CDH4: variants seen among roughly 807,000 people sequenced by gnomAD.
CDH4 encodes the protein cadherin-4.
CDH4 carries 33 observed loss-of-function variants against 86.0 expected under a neutral mutation model. The ratio of observed to expected loss-of-function variants is 0.38; its 90% confidence interval spans 0.29 to 0.51. CDH4 has a LOEUF of 0.51. Ranked by LOEUF, CDH4 falls within the 20% of genes least tolerant of loss-of-function variation. The probability of loss-of-function intolerance (pLI) is 0.86; values close to 1 mark genes in which losing one functional copy is unlikely to be tolerated. For synonymous variants in CDH4, 555 were observed against 549.4 expected (o/e 1.01, Z -0.14); for missense variants, 1,114 against 1,307.4 (o/e 0.85, Z 2.28).
intron 2 of CDH4, among the ~76,000 whole-genome samples, chr20:61,561,470 G>A (rs976075312): frequency 3.3e-5 from 5 of 152,238 alleles, no homozygotes; most frequent in South Asian, 2.1e-4. Flanking sequence ...CCCTCTTCCC[G>A]TCTCCTCCAA....
rs148228056 is a variant in CDH4 at position 61,274,654 on chromosome 20, G to A, written c.169+19717G>A. On this transcript the variant is annotated intron_variant, in intron 2 of 15. Transcript: ENST00000614565. The stretch of plus-strand genomic sequence containing the variant: ...ACGGTGTGCAGTTTGCAGGAGTACC[G>A]TGTGCGGTTTGGGGGAATACCGAGT... Among the ~76,000 whole-genome samples the A allele has an allele frequency of 6.8e-3, 883 of 129,520 alleles. 6 individuals are homozygous for A. Among genetic ancestry groups the A allele is most frequent in the Middle Eastern group, 0.018 (3 of 166 alleles). The allele number at this position is 129,520 out of a possible 152,430, so 85.0% of individuals were successfully genotyped here.
At chr20:61,779,238 C>T (rs1020334760) in intron 4 of CDH4, among the ~76,000 whole-genome samples, 3 of 152,202 alleles carry the variant, frequency 2.0e-5, no homozygotes, top group African/African-American at 4.8e-5. Flanking sequence ...ATCAGCGAAT[C>T]AGCTGAAGGT....
chr20:61,805,234 A>G (rs1456612605), intron 4 of CDH4, among the ~76,000 whole-genome samples: 1 of 152,186 alleles, frequency 6.6e-6, no homozygotes, highest in African/African-American at 2.4e-5. Flanking sequence ...AGCTACTAGA[A>G]CAGAGAGGAG....
At chr20:61,786,002 CT>C (rs1363599718) in intron 4 of CDH4, among the ~76,000 whole-genome samples, 1 of 152,130 alleles carries the variant, frequency 6.6e-6, no homozygotes, top group Non-Finnish European at 1.5e-5. Context: ...GTTTTCTCCC[CT>C]GTAAGTGGAC....
chr20:61,843,899 A>G (rs1050796406), intron 4 of CDH4, among the ~76,000 whole-genome samples: 1 of 152,154 alleles, frequency 6.6e-6, no homozygotes, highest in Middle Eastern at 3.2e-3. Flanking sequence ...GGCCTCCCCC[A>G]ACTTCCCTGA....
chr20:61,656,660 C>T (rs1182250553), intron 2 of CDH4, among the ~76,000 whole-genome samples: 1 of 152,156 alleles, frequency 6.6e-6, no homozygotes, highest in Non-Finnish European at 1.5e-5. Flanking sequence ...GATGTGCTTC[C>T]CTGTGTCTGA....
chr20:61,743,664 C>T lies in CDH4; in HGVS notation c.271C>T (p.Leu91=), dbSNP rs765048505. Reference sequence around the variant, plus strand: ...TGGGACAGTCTTCGCCACCCGGGAGCTGCAGGTCCCCTCCGAGCAGGTGGC... The same window carrying T: ...TGGGACAGTCTTCGCCACCCGGGAGTTGCAGGTCCCCTCCGAGCAGGTGGC... ...ADGTVFATRE[L]QVPSEQVAFT... The change falls in exon 3 of 16, where the codon CTG becomes TTG. Residue 91 remains leucine, a synonymous_variant. Coordinates refer to ENST00000614565, the MANE Select transcript of CDH4 (RefSeq NM_001794.5). 10 of 1,602,056 alleles carry T rather than the reference C, an allele frequency of 6.2e-6. No individual in the cohort carries two copies. The South Asian group carries it at 9.0e-5, about 14-fold the overall frequency.
At chr20:61,793,438 T>G (rs527368194) in intron 4 of CDH4, among the ~76,000 whole-genome samples, 1 of 152,310 alleles carries the variant, frequency 6.6e-6, no homozygotes, top group Non-Finnish European at 1.5e-5. Flanking sequence ...AAAAAGGCTC[T>G]GGGGGCTAGG....
intron 2 of CDH4, among the ~76,000 whole-genome samples, chr20:61,383,767 ATATATATG>A (rs2145453517): frequency 1.6e-5 from 1 of 63,890 alleles, no homozygotes; most frequent in African/African-American, 1.3e-4. Context: ...ATATATGAAG[ATATATATG>A]CATATATATG....
intron 2 of CDH4, among the ~76,000 whole-genome samples, chr20:61,308,289 T>G (rs146177339): frequency 2.7e-3 from 413 of 152,374 alleles, no homozygotes; most frequent in African/African-American, 9.4e-3. Context: ...TATTAAATAC[T>G]ATGTGAGTGC....
chr20:61,464,570 T>G (rs971399489), intron 2 of CDH4, among the ~76,000 whole-genome samples: 5 of 152,220 alleles, frequency 3.3e-5, no homozygotes, highest in Admixed American at 2.0e-4. Context: ...TAGTGACTAA[T>G]ACTAGAGAAG....
chr20:61,524,649 T>G (rs1438078822), intron 2 of CDH4, among the ~76,000 whole-genome samples: 3 of 152,158 alleles, frequency 2.0e-5, no homozygotes, highest in Non-Finnish European at 4.4e-5. Flanking sequence ...CAAGCCCAGC[T>G]AATTTCTGTA....
At position 61,830,631 on chromosome 20, in the gene CDH4, G is replaced by A. The variant is rs555099212; in HGVS notation, c.577-14037G>A. Among the ~76,000 whole-genome samples, 23 of 152,354 alleles carry A rather than the reference G, an allele frequency of 1.5e-4. 1 individual carries two copies. Among genetic ancestry groups the A allele is most frequent in the Admixed American group, 3.9e-4 (6 of 15,308 alleles). ...TGCCCACCTCAACAGACGCCCTAGCGTGTGCTCCGGAGAGACACTGAAATG... is the reference window on the plus strand; with the variant it reads ...TGCCCACCTCAACAGACGCCCTAGCATGTGCTCCGGAGAGACACTGAAATG... On this transcript the variant is annotated intron_variant, in intron 4 of 15. Coordinates refer to ENST00000614565, the MANE Select transcript of CDH4 (RefSeq NM_001794.5).
At chr20:61,695,366 G>A (rs1031069393) in intron 2 of CDH4, among the ~76,000 whole-genome samples, 40 of 152,126 alleles carry the variant, frequency 2.6e-4, no homozygotes, top group African/African-American at 9.2e-4. Context: ...TGTATTCCAC[G>A]GGGCCCTGCA....
intron 2 of CDH4, among the ~76,000 whole-genome samples, chr20:61,503,746 A>G (rs1230506649): frequency 6.6e-6 from 1 of 152,242 alleles, no homozygotes; most frequent in Non-Finnish European, 1.5e-5. Flanking sequence ...ATTATTAATA[A>G]CTAATGATAT....
At chr20:61,438,312 C>A (rs955854562) in intron 2 of CDH4, among the ~76,000 whole-genome samples, 6 of 152,156 alleles carry the variant, frequency 3.9e-5, no homozygotes, top group African/African-American at 1.4e-4. Context: ...ATGAAGAATT[C>A]ACATTATATA....
intron 3 of CDH4, among the ~76,000 whole-genome samples, chr20:61,772,345 C>T (rs753757584): frequency 3.3e-5 from 5 of 152,214 alleles, no homozygotes; most frequent in Admixed American, 6.5e-5. Flanking sequence ...AGATTTATTT[C>T]GCTCAGCCTT....
At chr20:61,793,745 C>A (rs1001608982) in intron 4 of CDH4, among the ~76,000 whole-genome samples, 1 of 151,024 alleles carries the variant, frequency 6.6e-6, no homozygotes, top group Admixed American at 6.6e-5. Flanking sequence ...GAGGCTGAGG[C>A]AGAGAATTGC....
chr20:61,632,955 C>T (rs1290387964), intron 2 of CDH4, among the ~76,000 whole-genome samples: 1 of 150,650 alleles, frequency 6.6e-6, no homozygotes, highest in Non-Finnish European at 1.5e-5. Context: ...CTTATCCTCC[C>T]ATACAACCAT....
Sources: gnomAD v4.1 joint callset for allele counts (sites outside exome capture counted in the v4.1 genomes callset) on GRCh38, gnomAD v4.1.1 for gene constraint, MANE v1.5 for transcripts, NCBI Gene and HGNC (gene_info 2026-07-23, HGNC 2026-07-21) for gene names.